Variants in HMGN4 observed in about 807,000 individuals in gnomAD.
HMGN4 encodes high mobility group nucleosome-binding domain-containing protein 4.
For synonymous variants in HMGN4, 39 were observed against 39.1 expected (o/e 1.00, Z 0.01); for missense variants, 69 against 104.9 (o/e 0.66, Z 1.49).
intron 1 of HMGN4, among the ~76,000 whole-genome samples, chr6:26,538,843 C>G (rs1764252014): frequency 6.6e-6 from 1 of 152,174 alleles, no homozygotes; most frequent in Non-Finnish European, 1.5e-5. Flanking sequence ...GGGCTGTGGC[C>G]TTAAAGAGGT....
intron 1 of HMGN4, among the ~76,000 whole-genome samples, chr6:26,543,398 G>A (rs558398787): frequency 1.4e-5 from 2 of 142,376 alleles, no homozygotes; most frequent in Non-Finnish European, 3.0e-5. Flanking sequence ...CAGTAGAACT[G>A]TATGTCTCAG....
chr6:26,540,632 C>A (rs1375029162), intron 1 of HMGN4, among the ~76,000 whole-genome samples: 1 of 152,214 alleles, frequency 6.6e-6, no homozygotes, highest in Non-Finnish European at 1.5e-5. Flanking sequence ...CCACGCCCAG[C>A]ATTTGCCTGT....
At chr6:26,543,272 A>G (rs1360692990) in intron 1 of HMGN4, among the ~76,000 whole-genome samples, 1 of 152,102 alleles carries the variant, frequency 6.6e-6, no homozygotes, top group Non-Finnish European at 1.5e-5. Context: ...AATTGTTAAA[A>G]TGATTCCTTA....
intron 1 of HMGN4, among the ~76,000 whole-genome samples, chr6:26,544,325 G>A (rs1028160436): frequency 1.2e-4 from 18 of 151,978 alleles, no homozygotes; most frequent in Non-Finnish European, 2.4e-4. Flanking sequence ...TGGATCTATA[G>A]TGTACATATT....
At chr6:26,538,834 G>T (rs538352061) in intron 1 of HMGN4, among the ~76,000 whole-genome samples, 1 of 152,264 alleles carries the variant, frequency 6.6e-6, no homozygotes, top group African/African-American at 2.4e-5. Flanking sequence ...GCTCCCGCAG[G>T]GCTGTGGCCT....
chr6:26,538,669 G>C lies in HMGN4; in HGVS notation c.-81+168G>C, dbSNP rs552382122. Among the ~76,000 whole-genome samples, 9 of 152,316 alleles carry C rather than the reference G, an allele frequency of 5.9e-5. No homozygotes were observed. The East Asian group carries it at 1.7e-3, about 29-fold the overall frequency. ...CTGTCTTCCCGTCTCCAGAGTAATC[G>C]CAGCATCTCTCCTGAGCTCCGAGTG... On this transcript the variant is annotated intron_variant, in intron 1 of 1. Coordinates refer to ENST00000377575, the MANE Select transcript of HMGN4 (RefSeq NM_006353.3).
Position 26,545,393 on chromosome 6 carries a change from G to A in HMGN4, c.187G>A (p.Gly63Arg), listed in dbSNP as rs115040324. The A allele has an allele frequency of 4.1e-5, 66 of 1,613,804 alleles. No homozygotes were observed. In the African/African-American group the frequency reaches 7.9e-4, roughly 19 times the overall value. ...PKGRKGKADA[G>R]KDGNNPAKNR... is the part of the protein sequence containing the mutation. Reference sequence around the variant, plus strand: ...AGGGAGAAAGGGGAAAGCAGATGCTGGAAAGGATGGGAACAACCCTGCAAA... The same window carrying A: ...AGGGAGAAAGGGGAAAGCAGATGCTAGAAAGGATGGGAACAACCCTGCAAA... Residue 63 changes from glycine (G) to arginine (R), a missense_variant, in exon 2 of 2, where the codon GGA (glycine) becomes AGA (arginine). By Grantham distance (125) the Gly-to-Arg change is moderately radical. Coordinates refer to ENST00000377575, the MANE Select transcript of HMGN4 (RefSeq NM_006353.3).
Position 26,545,443 on chromosome 6 carries a change from G to A in HMGN4, c.237G>A (p.Gln79=). ...AAAACCGAGATGCCTCTACACTCCA[G>A]TCCCAGAAAGCGGAAGGCACTGGGG... is the stretch of plus-strand genomic sequence containing the variant. ...PAKNRDASTL[Q]SQKAEGTGDA... Residue 79 remains glutamine, a synonymous_variant, in exon 2 of 2, where the codon CAG becomes CAA. Coordinates refer to ENST00000377575, the MANE Select transcript of HMGN4 (RefSeq NM_006353.3). 1 of 1,589,540 alleles carries A rather than the reference G, an allele frequency of 6.3e-7. No individual in the cohort carries two copies. Among genetic ancestry groups the A allele is most frequent in the Non-Finnish European group, 8.5e-7 (1 of 1,169,934 alleles).
intron 1 of HMGN4, among the ~76,000 whole-genome samples, chr6:26,539,428 C>G (rs189282561): frequency 1.3e-5 from 2 of 151,924 alleles, no homozygotes; most frequent in Non-Finnish European, 2.9e-5. Context: ...TAACACTACA[C>G]CCGGATAATT....
In HMGN4 at chr6:26,543,947, A is replaced by G. The variant is rs1204212493; in HGVS notation, c.-80-1180A>G. 2.0e-5 allele frequency among the ~76,000 whole-genome samples: 3 copies of G among 152,130 alleles called. No homozygotes were observed. In the East Asian group the frequency reaches 5.8e-4, roughly 29 times the overall value. On this transcript the variant is annotated intron_variant, in intron 1 of 1. Coordinates refer to ENST00000377575, the MANE Select transcript of HMGN4 (RefSeq NM_006353.3). ...GCTTTAAAAAAGTCACACAGTGCCC[A>G]TGAATGCCAGCCCTAGGCCTAAGTC...
chr6:26,539,984 T>A (rs1764270363), intron 1 of HMGN4: 1 of 152,208 alleles, frequency 6.6e-6, no homozygotes, highest in South Asian at 2.1e-4. Context: ...ATCCTCTTCA[T>A]CTTTCTCCGA....
rs1286847544 is a variant in HMGN4, at chr6:26,545,198, G to C, written c.-9G>C. 1 of 1,599,328 alleles carries C rather than the reference G, an allele frequency of 6.3e-7. No homozygotes were observed. Among genetic ancestry groups the C allele is most frequent in the Admixed American group, 1.7e-5 (1 of 57,896 alleles). On this transcript the variant is annotated 5_prime_UTR_variant, in exon 2 of 2. Coordinates refer to ENST00000377575, the MANE Select transcript of HMGN4 (RefSeq NM_006353.3). ...ACTGCTCAAGCCACCTGCGAACACTGCTGCTACCATGCCCAAGAGAAAGGC... is the reference window on the plus strand; with the variant it reads ...ACTGCTCAAGCCACCTGCGAACACTCCTGCTACCATGCCCAAGAGAAAGGC...
In HMGN4 at chr6:26,542,638, C is replaced by T. The variant is rs1156505789; in HGVS notation, c.-80-2489C>T. 6.6e-6 allele frequency among the ~76,000 whole-genome samples: 1 copy of T among 152,164 alleles called. No homozygotes were observed. Among genetic ancestry groups the T allele is most frequent in the East Asian group, 1.9e-4 (1 of 5,204 alleles). ...AGAGCTTTTACCCATCTCTCTGGTC[C>T]CTTTTCATTATGTGTGTATCTGTCT... On this transcript the variant is annotated intron_variant, in intron 1 of 1. Coordinates refer to ENST00000377575, the MANE Select transcript of HMGN4 (RefSeq NM_006353.3). This position sits in a 1 kb window ranked among gnomAD's most constrained non-coding sequence, Gnocchi z 4.6.
In HMGN4 at chr6:26,545,792, G is replaced by A. The variant is rs1415995001; in HGVS notation, c.*313G>A. The A allele has an allele frequency of 1.6e-5, 3 of 183,802 alleles. No homozygotes were observed. 11.4% of individuals were successfully genotyped at this position (183,802 alleles called of 1,614,324 possible). Reference sequence around the variant, plus strand: ...GCCACTTTGGCACGGAAGCCTTACAGTGTGGGGAACCAAAACTTCGTGTCT... The same window carrying A: ...GCCACTTTGGCACGGAAGCCTTACAATGTGGGGAACCAAAACTTCGTGTCT... On this transcript the variant is annotated 3_prime_UTR_variant, in exon 2 of 2. Transcript: ENST00000377575.
intron 1 of HMGN4, among the ~76,000 whole-genome samples, chr6:26,543,482 C>T (rs1355092302): frequency 5.7e-5 from 7 of 123,568 alleles, no homozygotes; most frequent in African/African-American, 9.1e-5. Context: ...AGTGCAGTGG[C>T]ACAATCTCGG....
rs1250932937 is a variant in HMGN4 at position 26,545,835 on chromosome 6, A to G, written c.*356A>G. ...TCGTGTCTCCCCTTTCCCCGATGCC[A>G]TCAGCATAGACTTGACTTCCTTAAA... is the stretch of plus-strand genomic sequence containing the variant. On this transcript the variant is annotated 3_prime_UTR_variant, in exon 2 of 2. Coordinates refer to ENST00000377575, the MANE Select transcript of HMGN4 (RefSeq NM_006353.3). 1 of 172,064 alleles carries G rather than the reference A, an allele frequency of 5.8e-6. No homozygotes were observed. Among genetic ancestry groups the G allele is most frequent in the East Asian group, 1.9e-4 (1 of 5,386 alleles). The allele number at this position is 172,064 out of a possible 1,614,324, so 10.7% of individuals were successfully genotyped here.
chr6:26,544,360 C>T (rs1037027265), intron 1 of HMGN4, among the ~76,000 whole-genome samples: 2 of 152,068 alleles, frequency 1.3e-5, no homozygotes, highest in Admixed American at 6.5e-5. Context: ...TATTTTTCTT[C>T]GGCATTATAT....
Position 26,542,488 on chromosome 6 carries a change from CAA to C in HMGN4, c.-80-2636_-80-2635del, listed in dbSNP as rs1002320430. Among the ~76,000 whole-genome samples the C allele has an allele frequency of 1.3e-5, 2 of 152,190 alleles. No individual in the cohort carries two copies. The highest frequency in any genetic ancestry group is 4.8e-5 in the African/African-American group (2 of 41,446). On this transcript the variant is annotated intron_variant, in intron 1 of 1. Coordinates refer to ENST00000377575, the MANE Select transcript of HMGN4 (RefSeq NM_006353.3). The surrounding 1 kb of genome is among the most constrained non-coding windows in gnomAD (Gnocchi z 4.6). The stretch of plus-strand genomic sequence containing the variant: ...TAATATATGCCATTACAGTAGCATA[CAA>C]AAGAGTTTCATTTACCTAAAAATCT...
At chr6:26,540,616 G>A (rs10946837) in intron 1 of HMGN4, among the ~76,000 whole-genome samples, 60,196 of 152,084 alleles carry the variant, frequency 0.4, 13,464 homozygotes, top group East Asian at 0.73. Flanking sequence ...TTACAGGCGT[G>A]AGCCACCACG....
Sources: allele counts gnomAD v4.1 joint callset (sites outside exome capture counted in the v4.1 genomes callset), GRCh38; gene constraint gnomAD v4.1.1; non-coding constraint Gnocchi (gnomAD v3.1); transcripts MANE v1.5; gene names NCBI Gene and HGNC (gene_info 2026-07-23, HGNC 2026-07-21).